Variants in IDUA observed in about 807,000 individuals in gnomAD.
IDUA encodes the protein iduronidase alpha-L-.
IDUA carries 65 observed loss-of-function variants against 68.9 expected under a neutral mutation model. That is an observed-to-expected ratio of 0.94 (90% CI 0.77 to 1.16). The LOEUF (loss-of-function observed/expected upper bound fraction) is 1.16, where lower values mean the gene tolerates loss of function less well. Ranked by LOEUF, IDUA falls within the 50% of genes most tolerant of loss-of-function variation. The pLI is 0.00. For missense variants in IDUA, 1,046 were observed against 938.0 expected, an observed-to-expected ratio of 1.12 and a Z score of -1.50; for synonymous variants, 529 against 433.6, an observed-to-expected ratio of 1.22 and a Z score of -2.73.
At position 987,898 on chromosome 4, in the gene IDUA, G is replaced by A. The variant is rs141461803; in HGVS notation, c.248G>A (p.Arg83His). 1.2e-5 allele frequency: 20 copies of A among 1,608,410 alleles called. No individual in the cohort carries two copies. Among genetic ancestry groups the A allele is most frequent in the East Asian group, 9.0e-5 (4 of 44,644 alleles). The change falls in exon 2 of 14, where the codon CGC becomes CAC. Residue 83 changes from arginine to histidine, a missense_variant. Arg to His is a conservative substitution (Grantham distance 29). Coordinates refer to ENST00000514224, the MANE Select transcript of IDUA (RefSeq NM_000203.5). ...GCCTATGTGGGCGCCGTCCCTCACC[G>A]CGGCATCAAGCAGGTCCGGACCCAC... ...NLAYVGAVPH[R>H]GIKQVRTHWL... is the part of the protein sequence containing the mutation.
intron 3 of IDUA, 27 bp from the exon 4 acceptor site, chr4:1,000,855 C>G (rs561032437): frequency 6.3e-7 from 1 of 1,581,882 alleles, no homozygotes; most frequent in Non-Finnish European, 8.7e-7. Flanking sequence ...GTGTGGTGGG[C>G]GGTGGGGCAG....
Position 1,001,000 on chromosome 4 carries a change from G to T in IDUA, c.493+11G>T. The T allele has an allele frequency of 6.3e-7, 1 of 1,591,644 alleles. No homozygotes were observed. Among genetic ancestry groups the T allele is most frequent in the East Asian group, 2.2e-5 (1 of 44,764 alleles). On this transcript the variant is annotated intron_variant, in intron 4 of 13. Transcript: ENST00000514224. ...CCAGGAGATACATCGGTGGGCGAGC[G>T]CAGGCCCTGGGGCCCTGGCCGGGGC...
chr4:995,612 C>T (rs1714701120), intron 2 of IDUA, among the ~76,000 whole-genome samples: 1 of 152,240 alleles, frequency 6.6e-6, no homozygotes, highest in South Asian at 2.1e-4. Flanking sequence ...TCTACTTCTC[C>T]TGTCCATGTG....
rs955764958 is a variant in IDUA, at chr4:990,489, G to A, written c.299+2540G>A. On this transcript the variant is annotated intron_variant, in intron 2 of 13. Coordinates refer to ENST00000514224, the MANE Select transcript of IDUA (RefSeq NM_000203.5). ...CCTGACAATTCTGTGTTGCGGCCCCGTGTGTTCCAAACCAGACTCCTCACA... is the reference window on the plus strand; with the variant it reads ...CCTGACAATTCTGTGTTGCGGCCCCATGTGTTCCAAACCAGACTCCTCACA... The A allele has an allele frequency of 2.2e-5, 21 of 949,554 alleles. No homozygotes were observed. The Middle Eastern group carries it at 1.0e-3, about 45-fold the overall frequency. 58.8% of individuals were successfully genotyped at this position (949,554 alleles called of 1,614,324 possible).
At chr4:998,197 G>C (rs1714859046) in intron 2 of IDUA, among the ~76,000 whole-genome samples, 1 of 152,210 alleles carries the variant, frequency 6.6e-6, no homozygotes, top group Non-Finnish European at 1.5e-5. Flanking sequence ...CCCAGCCCGG[G>C]GTACAGGAGC....
At chr4:994,800 G>A (rs1016085808) in intron 2 of IDUA, among the ~76,000 whole-genome samples, 1 of 152,008 alleles carries the variant, frequency 6.6e-6, no homozygotes, top group African/African-American at 2.4e-5. Flanking sequence ...GGTGGTGTGT[G>A]CCTGTATCCC....
intron 2 of IDUA, 186 bp downstream of exon 2, chr4:988,135 T>TG (rs1427687296): frequency 4.3e-5 from 60 of 1,406,248 alleles, no homozygotes; most frequent in Non-Finnish European, 5.3e-5. Flanking sequence ...AGCCCCTGCA[T>TG]GGGGCACGGT....
chr4:1,002,235 GCCA>G lies in IDUA; in HGVS notation c.973-31_973-29del, dbSNP rs749838037. 3 of 1,591,250 alleles carry G rather than the reference GCCA, an allele frequency of 1.9e-6. No individual in the cohort carries two copies. In the South Asian group the frequency reaches 3.4e-5, roughly 18 times the overall value. On this transcript the variant is annotated intron_variant, in intron 7 of 13. Transcript: ENST00000514224. ...GACGGGACAGGCGAGCGGTGGCCGCGCCACCCGGTCCCAGCTGCCCTGGACACC... is the reference window on the plus strand; with the variant it reads ...GACGGGACAGGCGAGCGGTGGCCGCGCCCGGTCCCAGCTGCCCTGGACACC...
intron 2 of IDUA, among the ~76,000 whole-genome samples, chr4:1,000,322 CGACTG>C (rs1714996742): frequency 6.6e-6 from 1 of 152,248 alleles, no homozygotes; most frequent in Non-Finnish European, 1.5e-5. Flanking sequence ...CTGCTGCTCG[CGACTG>C]GCCTGCCTCG....
At chr4:1,001,917 C>T (rs1205703909) in intron 6 of IDUA, 36 bp downstream of exon 6, 6 of 1,568,756 alleles carry the variant, frequency 3.8e-6, no homozygotes, top group African/African-American at 1.3e-5. Flanking sequence ...CGGTGTTCTG[C>T]GCCCTCAGCC....
At chr4:988,625 G>C in intron 2 of IDUA, 4 of 1,382,510 alleles carry the variant, frequency 2.9e-6, no homozygotes, top group Non-Finnish European at 3.7e-6. Context: ...CGGAGGCAGA[G>C]GTTCTTGATT....
At position 1,003,637 on chromosome 4, in the gene IDUA, G is replaced by T; in HGVS notation, c.1727+12G>T. ...CACGTGGGCTCCAAGTGCGTGAGTG[G>T]GGCCGCCCCTCCCTCTGCCTGGTCC... On this transcript the variant is annotated intron_variant, in intron 12 of 13. Transcript: ENST00000514224. 6.2e-7 allele frequency: 1 copy of T among 1,612,224 alleles called. No individual in the cohort carries two copies.
chr4:1,004,222 G>A lies in IDUA; in HGVS notation c.1829-38G>A. 6.2e-7 allele frequency: 1 copy of A among 1,609,722 alleles called. No homozygotes were observed. Among genetic ancestry groups the A allele is most frequent in the Non-Finnish European group, 8.5e-7 (1 of 1,179,956 alleles). ...GGGGTCAGGGGGCTTTCGGGTGGGG[G>A]CAGGTTCCGGTTGGCACACATGTCC... On this transcript the variant is annotated intron_variant, in intron 13 of 13. Transcript: ENST00000514224. The surrounding 1 kb of genome is among the most constrained non-coding windows in gnomAD (Gnocchi z 5.0).
At chr4:994,821 G>T (rs1207445454) in intron 2 of IDUA, among the ~76,000 whole-genome samples, 1 of 152,164 alleles carries the variant, frequency 6.6e-6, no homozygotes, top group Admixed American at 6.5e-5. Flanking sequence ...AGCTACTCAA[G>T]CGGCTCAGGT....
chr4:995,147 C>T (rs985484389), intron 2 of IDUA, among the ~76,000 whole-genome samples: 1 of 151,044 alleles, frequency 6.6e-6, no homozygotes, highest in Non-Finnish European at 1.5e-5. Context: ...CGGGTTCAAG[C>T]GATTCTCCTG....
chr4:1,003,442 G>T lies in IDUA; in HGVS notation c.1622G>T (p.Cys541Phe), dbSNP rs950213013. ...RLPSLLLVHV[C>F]ARPEKPPGQV... is the part of the protein sequence containing the mutation. ...CCGTCGCTTTTGCTGGTGCACGTGTGTGCGCGCCCCGAGAAGCCGCCCGGG... is the reference window on the plus strand; with the variant it reads ...CCGTCGCTTTTGCTGGTGCACGTGTTTGCGCGCCCCGAGAAGCCGCCCGGG... The change falls in exon 11 of 14, where the codon TGT (cysteine) becomes TTT (phenylalanine). Residue 541 changes from cysteine to phenylalanine, a missense_variant. Physicochemically the swap from Cys to Phe is radical, Grantham distance 205. Coordinates refer to ENST00000514224, the MANE Select transcript of IDUA (RefSeq NM_000203.5). 5 of 1,543,486 alleles carry T rather than the reference G, an allele frequency of 3.2e-6. No homozygotes were observed. In the African/African-American group the frequency reaches 6.8e-5, roughly 21 times the overall value.
At chr4:992,280 C>G (rs746490656) in intron 2 of IDUA, 3 of 443,306 alleles carry the variant, frequency 6.8e-6, no homozygotes, top group South Asian at 4.7e-5. Flanking sequence ...AGAGCCCTCC[C>G]TCCCCCATCC....
Position 1,001,720 on chromosome 4 carries a change from G to A in IDUA, c.631G>A (p.Ala211Thr), listed in dbSNP as rs1560546903. ...YYDACSEGLR[A>T]ASPALRLGGP... ...CGATGCCTGCTCGGAGGGTCTGCGC[G>A]CCGCCAGCCCCGCCCTGCGGCTGGG... Residue 211 changes from alanine (A) to threonine (T), a missense_variant, in exon 6 of 14, where the codon GCC (alanine) becomes ACC (threonine). By Grantham distance (58) the Ala-to-Thr change is moderately conservative (BLOSUM62 0). Coordinates refer to ENST00000514224, the MANE Select transcript of IDUA (RefSeq NM_000203.5). The A allele has an allele frequency of 6.3e-7, 1 of 1,598,868 alleles. No individual in the cohort carries two copies. Among genetic ancestry groups the A allele is most frequent in the Non-Finnish European group, 8.5e-7 (1 of 1,178,592 alleles).
intron 2 of IDUA, chr4:988,367 G>C: frequency 9.3e-7 from 1 of 1,073,198 alleles, no homozygotes; most frequent in Non-Finnish European, 1.1e-6. Context: ...GGGGCACTTG[G>C]GTGTGTGGGG....
Sources: gnomAD v4.1 joint callset for allele counts (sites outside exome capture counted in the v4.1 genomes callset) on GRCh38, gnomAD v4.1.1 for gene constraint, Gnocchi (gnomAD v3.1) non-coding constraint, MANE v1.5 for transcripts, NCBI Gene and HGNC (gene_info 2026-07-23, HGNC 2026-07-21) for gene names.